Variants in CCDC136 observed in about 807,000 individuals in gnomAD.
The protein encoded by CCDC136 is coiled-coil domain containing 136, also known as coiled-coil domain-containing protein 136.
Under a neutral mutation model 141.2 loss-of-function variants are expected in CCDC136, and 100 were observed. The observed-to-expected ratio is 0.71, with a 90% CI of 0.60 to 0.84. CCDC136 has a LOEUF of 0.84. Ranked by LOEUF, CCDC136 falls within the 40% of genes least tolerant of loss-of-function variation. CCDC136 has a pLI of 0.00. For missense variants in CCDC136, 1,206 were observed against 1,379.4 expected (o/e 0.87, Z 1.99); for synonymous variants, 474 against 531.9 (o/e 0.89, Z 1.50).
At chr7:128,791,407 C>G, upstream of CCDC136, 1 of 995,086 alleles carries the variant, frequency 1.0e-6, no homozygotes, top group Non-Finnish European at 1.3e-6. This position sits in a 1 kb window ranked among gnomAD's most constrained non-coding sequence, Gnocchi z 7.1. Context: ...TCCGCCCTCC[C>G]TCCCTCCCTG....
chr7:128,811,955 G>T lies in CCDC136; in HGVS notation c.2184G>T (p.Gln728His). The change falls in exon 13 of 18, where the codon CAG becomes CAT. Residue 728 changes from glutamine (Q) to histidine (H), a missense_variant. By Grantham distance (24) the Gln-to-His change is conservative. Transcript: ENST00000297788. ...TGCAGCTCTGCCTGGAAGAAATGCA[G>T]CTGCTTCAAGTCCAGTCCCCTTCTA... ...ADLQLCLEEM[Q>H]LLQVQSPSIK... The T allele has an allele frequency of 6.2e-7, 1 of 1,614,014 alleles. No individual in the cohort carries two copies. The highest frequency in any genetic ancestry group is 1.1e-5 in the South Asian group (1 of 91,084).
intron 9 of CCDC136, 86 bp from the exon 10 acceptor site, chr7:128,807,274 T>C: frequency 1.0e-6 from 1 of 1,001,732 alleles, no homozygotes; most frequent in Non-Finnish European, 1.4e-6. Flanking sequence ...CAAGGGAAGA[T>C]GGGTCCCCTT....
Position 128,810,324 on chromosome 7 carries a change from T to A in CCDC136, c.1986T>A (p.Asp662Glu). The change falls in exon 12 of 18, where the codon GAT (aspartate) becomes GAA (glutamate). Residue 662 changes from aspartate (D) to glutamate (E), a missense_variant. By Grantham distance (45) the Asp-to-Glu change is conservative. Coordinates refer to ENST00000297788, the MANE Select transcript of CCDC136 (RefSeq NM_022742.5). ...SHFQEVLENP[D>E]DSKLAKSSKC... Reference sequence around the variant, plus strand: ...TCCAGGAAGTGTTGGAGAATCCCGATGATTCCAAATTGGCTAAGTCCTCCA... The same window carrying A: ...TCCAGGAAGTGTTGGAGAATCCCGAAGATTCCAAATTGGCTAAGTCCTCCA... 1.2e-6 allele frequency: 2 copies of A among 1,613,992 alleles called. No individual in the cohort carries two copies. The highest frequency in any genetic ancestry group is 1.7e-6 in the Non-Finnish European group (2 of 1,179,866).
chr7:128,816,446 A>G (rs1806648882), intron 16 of CCDC136, among the ~76,000 whole-genome samples: 1 of 152,168 alleles, frequency 6.6e-6, no homozygotes, highest in Non-Finnish European at 1.5e-5. Flanking sequence ...TGGATTCTGT[A>G]TATCACAGGA....
At chr7:128,810,965 A>G (rs1248192361) in intron 12 of CCDC136, among the ~76,000 whole-genome samples, 1 of 152,234 alleles carries the variant, frequency 6.6e-6, no homozygotes, top group Non-Finnish European at 1.5e-5. Flanking sequence ...CCTCTCAAGT[A>G]CCAGCAAGAG....
chr7:128,796,000 G>A (rs1014293911), intron 3 of CCDC136, among the ~76,000 whole-genome samples: 8 of 152,168 alleles, frequency 5.3e-5, no homozygotes, highest in African/African-American at 1.9e-4. Context: ...TTTTGAGACA[G>A]AGTCTTACTC....
intron 16 of CCDC136, among the ~76,000 whole-genome samples, chr7:128,816,530 C>A (rs983036286): frequency 6.6e-6 from 1 of 152,182 alleles, no homozygotes; most frequent in African/African-American, 2.4e-5. Flanking sequence ...GGAGCATAGA[C>A]TAGTCCAAGG....
rs1380661004 is a variant in CCDC136, at chr7:128,805,890, A to T, written c.1078A>T (p.Ser360Cys). The part of the protein sequence containing the change: ...NEVLRFQTSH[S>C]VTQNEELKSR... ...GGTGCTTCGGTTTCAGACCTCCCAC[A>T]GTGTCACCCAGGTAAACACTGCCCG... The change falls in exon 7 of 18, where the codon AGT becomes TGT. Residue 360 changes from serine to cysteine, a missense_variant. Transcript: ENST00000297788. This position sits in a 1 kb window ranked among gnomAD's most constrained non-coding sequence, Gnocchi z 4.6. The T allele has an allele frequency of 6.2e-7, 1 of 1,613,908 alleles. No homozygotes were observed. The highest frequency in any genetic ancestry group is 1.7e-5 in the Admixed American group (1 of 60,018).
intron 10 of CCDC136, chr7:128,809,060 CTG>C (rs529753782): frequency 1.3e-6 from 1 of 761,968 alleles, no homozygotes; most frequent in Non-Finnish European, 1.6e-6. Context: ...TAAAAAACAA[CTG>C]GGGTTAATGA....
At position 128,794,624 on chromosome 7, in the gene CCDC136, C is replaced by A. The variant is rs1188190548; in HGVS notation, c.271+22C>A. On this transcript the variant is annotated intron_variant, in intron 2 of 17. Transcript: ENST00000297788. The surrounding 1 kb of genome is among the most constrained non-coding windows in gnomAD (Gnocchi z 4.3). ...CAGGGTGAGTGCCTGGGCCAGGGCC[C>A]AGTGCCCGGGCCCAGAGGCTCTGCA... The A allele has an allele frequency of 1.9e-5, 29 of 1,531,456 alleles. 1 individual carries two copies. In the Admixed American group the frequency reaches 6.0e-4, roughly 31 times the overall value. 94.9% of individuals were successfully genotyped at this position (1,531,456 alleles called of 1,614,324 possible). A position where few individuals can be genotyped will look rare whatever the true frequency, so the allele number is the denominator to read the frequency against.
At chr7:128,816,825 C>T (rs955508374) in intron 16 of CCDC136, among the ~76,000 whole-genome samples, 7 of 152,166 alleles carry the variant, frequency 4.6e-5, no homozygotes, top group Admixed American at 4.6e-4. Context: ...AGAAAAAAAG[C>T]CTCTTGTGGT....
chr7:128,794,373 T>TGAGGAG lies in CCDC136; in HGVS notation c.45_50dup (p.Glu25_Glu26dup), dbSNP rs1202261162. Reference sequence around the variant, plus strand: ...GGGAGGTGTTACTCCCAGCTCTCTATGAGGAGGAAGAGGAAGAGGAAGAGG... The same window carrying TGAGGAG: ...GGGAGGTGTTACTCCCAGCTCTCTATGAGGAGGAGGAGGAAGAGGAAGAGGAAGAGG... On this transcript the variant is annotated inframe_insertion, in exon 2 of 18. Transcript: ENST00000297788. This position sits in a 1 kb window ranked among gnomAD's most constrained non-coding sequence, Gnocchi z 4.3. The TGAGGAG allele has an allele frequency of 1.9e-6, 3 of 1,553,536 alleles. No individual in the cohort carries two copies. Among genetic ancestry groups the TGAGGAG allele is most frequent in the Non-Finnish European group, 2.6e-6 (3 of 1,148,032 alleles).
intron 15 of CCDC136, 58 bp downstream of exon 15, chr7:128,814,977 A>G (rs1301636633): frequency 5.8e-6 from 8 of 1,388,296 alleles, no homozygotes; most frequent in Non-Finnish European, 6.8e-6. Context: ...CCTGGGAAGA[A>G]GCATTGCCTC....
chr7:128,809,337 C>T, intron 10 of CCDC136, 113 bp from the exon 11 acceptor site: 1 of 737,002 alleles, frequency 1.4e-6, no homozygotes. Flanking sequence ...TCCAAGGTGA[C>T]TGCACAGGGA....
In CCDC136 at chr7:128,794,216, G is replaced by A. The variant is rs944704002; in HGVS notation, c.17-132G>A. On this transcript the variant is annotated intron_variant, in intron 1 of 17. Coordinates refer to ENST00000297788, the MANE Select transcript of CCDC136 (RefSeq NM_022742.5). The surrounding 1 kb of genome is among the most constrained non-coding windows in gnomAD (Gnocchi z 4.3). ...TCATCTTGAGTACAGGTCTTGCCCC[G>A]GGGCTCCTTGGGGGACACCAGGTGG... 2.1e-5 allele frequency: 27 copies of A among 1,272,312 alleles called. No individual in the cohort carries two copies. The highest frequency in any genetic ancestry group is 2.6e-5 in the South Asian group (2 of 77,864). The allele number at this position is 1,272,312 out of a possible 1,614,324, so 78.8% of individuals were successfully genotyped here.
rs1428213734 is a variant in CCDC136, at chr7:128,809,582, C to T, written c.1738C>T (p.Gln580Ter). Residue 580 changes from glutamine to a stop codon, truncating the protein, a stop_gained, in exon 11 of 18, where the codon CAG becomes TAG. Coordinates refer to ENST00000297788, the MANE Select transcript of CCDC136 (RefSeq NM_022742.5). LOFTEE classifies it high-confidence loss of function. ...GAGGAGGATGCAGGAGGAGCAGGGC[C>T]AGCTGCAGGAAGAGCTGCACAGGCT... ...DQRRMQEEQG[Q>*]LQEELHRLTL... The T allele has an allele frequency of 2.6e-6, 4 of 1,567,230 alleles. No individual in the cohort carries two copies. Among genetic ancestry groups the T allele is most frequent in the Non-Finnish European group, 3.5e-6 (4 of 1,156,610 alleles).
At chr7:128,801,674 T>TA (rs1014848236) in intron 4 of CCDC136, among the ~76,000 whole-genome samples, 165 bp downstream of exon 4, 34 of 152,256 alleles carry the variant, frequency 2.2e-4, no homozygotes, top group Admixed American at 2.0e-3. Context: ...CTCATGCCTG[T>TA]AATCCCAGAA....
rs753979292 is a variant in CCDC136 at position 128,801,241 on chromosome 7, C to A, written c.402C>A (p.Ser134Arg). Reference protein sequence around the residue: ...EISLLEHEKESELKEIEQELH... With the variant: ...EISLLEHEKERELKEIEQELH... Reference sequence around the variant, plus strand: ...CCCTGTTAGAGCATGAGAAAGAAAGCGAACTTAAGGAAATAGAACAGGAAT... The same window carrying A: ...CCCTGTTAGAGCATGAGAAAGAAAGAGAACTTAAGGAAATAGAACAGGAAT... The change falls in exon 4 of 18, where the codon AGC becomes AGA. Residue 134 changes from serine to arginine, a missense_variant. Transcript: ENST00000297788. The A allele has an allele frequency of 6.2e-7, 1 of 1,613,832 alleles. No individual in the cohort carries two copies. Among genetic ancestry groups the A allele is most frequent in the South Asian group, 1.1e-5 (1 of 91,072 alleles).
chr7:128,821,814 T>C lies in CCDC136; in HGVS notation c.*21T>C, dbSNP rs1365031169. 1 of 1,290,364 alleles carries C rather than the reference T, an allele frequency of 7.7e-7. No individual in the cohort carries two copies. The highest frequency in any genetic ancestry group is 1.0e-6 in the Non-Finnish European group (1 of 989,018). 79.9% of individuals were successfully genotyped at this position (1,290,364 alleles called of 1,614,324 possible). A position where few individuals can be genotyped will look rare whatever the true frequency, so the allele number is the denominator to read the frequency against. ...GTCCCCACAGAACATGTTTGGGTTG[T>C]GGAAGCCTATGGTATTCTTGGCTAT... is the stretch of plus-strand genomic sequence containing the variant. On this transcript the variant is annotated 3_prime_UTR_variant, in exon 18 of 18. Transcript: ENST00000297788. This position sits in a 1 kb window ranked among gnomAD's most constrained non-coding sequence, Gnocchi z 5.1.
Sources: allele counts gnomAD v4.1 joint callset (sites outside exome capture counted in the v4.1 genomes callset), GRCh38; gene constraint gnomAD v4.1.1; non-coding constraint Gnocchi (gnomAD v3.1); transcripts MANE v1.5; gene names NCBI Gene and HGNC (gene_info 2026-07-23, HGNC 2026-07-21).